The following BICC1 variants were observed in gnomAD, a reference collection of about 807,000 sequenced individuals.
BICC1 encodes protein bicaudal C homolog 1.
Under a neutral mutation model 111.0 loss-of-function variants are expected in BICC1, and 43 were observed. The observed-to-expected ratio is 0.39, with a 90% CI of 0.30 to 0.50. The LOEUF is 0.50. BICC1 is among the 20% of genes least tolerant of loss of function. The pLI is 0.88. For missense variants in BICC1, 1,091 were observed against 1,203.2 expected (o/e 0.91, Z 1.38); for synonymous variants, 467 against 434.4 (o/e 1.07, Z -0.93).
chr10:58,744,459 C>G (rs982983083), intron 3 of BICC1, among the ~76,000 whole-genome samples: 37 of 151,924 alleles, frequency 2.4e-4, no homozygotes, highest in African/African-American at 8.7e-4. Flanking sequence ...TTCATGCATG[C>G]ATTTTAAAAC....
intron 5 of BICC1, among the ~76,000 whole-genome samples, chr10:58,788,063 A>G (rs1843063304): frequency 1.3e-5 from 2 of 152,118 alleles, no homozygotes; most frequent in Non-Finnish European, 1.5e-5. Flanking sequence ...AACGGAGAAA[A>G]TGCAGTGAAC....
At chr10:58,527,599 A>G (rs969468860) in intron 1 of BICC1, among the ~76,000 whole-genome samples, 4 of 149,422 alleles carry the variant, frequency 2.7e-5, no homozygotes, top group African/African-American at 9.8e-5. Context: ...TAGTTTTTGT[A>G]TAAGGTGTAA....
intron 3 of BICC1, among the ~76,000 whole-genome samples, chr10:58,782,458 A>G (rs1212733110): frequency 6.6e-6 from 1 of 152,216 alleles, no homozygotes; most frequent in Non-Finnish European, 1.5e-5. Context: ...ACTTGAGTTA[A>G]CCATCACTTG....
chr10:58,784,876 T>C (rs1251559418), intron 3 of BICC1, 125 bp from the exon 4 acceptor site: 3 of 388,920 alleles, frequency 7.7e-6, no homozygotes, highest in African/African-American at 2.1e-5. Context: ...ATAATAATAA[T>C]CTCCAAATGT....
At chr10:58,542,164 AAAC>A (rs1312638474) in intron 1 of BICC1, among the ~76,000 whole-genome samples, 3 of 147,160 alleles carry the variant, frequency 2.0e-5, no homozygotes, top group Admixed American at 1.3e-4. Context: ...AAAAAAAAAA[AAAC>A]AAAAAAAAAA....
rs778463638 is a variant in BICC1 at position 58,801,006 on chromosome 10, A to G, written c.1975A>G (p.Thr659Ala). 2 of 1,612,166 alleles carry G rather than the reference A, an allele frequency of 1.2e-6. No individual in the cohort carries two copies. The highest frequency in any genetic ancestry group is 2.2e-5 in the East Asian group (1 of 44,718). ...PSKVSCAKRQ[T>A]VELLQGTKNS... Reference sequence around the variant, plus strand: ...CAAGGTTTCCTGTGCCAAAAGGCAGACAGTGGAACTATTGCAAGGCACGAA... The same window carrying G: ...CAAGGTTTCCTGTGCCAAAAGGCAGGCAGTGGAACTATTGCAAGGCACGAA... The change falls in exon 14 of 21, where the codon ACA (threonine) becomes GCA (alanine). Residue 659 changes from threonine to alanine, a missense_variant. By Grantham distance (58) the Thr-to-Ala change is moderately conservative (BLOSUM62 0). Coordinates refer to ENST00000373886, the MANE Select transcript of BICC1 (RefSeq NM_001080512.3).
At position 58,793,465 on chromosome 10, in the gene BICC1, C is replaced by G. The variant is rs1294403072; in HGVS notation, c.1048-19C>G. The G allele has an allele frequency of 6.2e-7, 1 of 1,603,680 alleles. No homozygotes were observed. Among genetic ancestry groups the G allele is most frequent in the Non-Finnish European group, 8.5e-7 (1 of 1,173,088 alleles). The stretch of plus-strand genomic sequence containing the variant: ...ATTAAATTTTTACCTCCTACACATT[C>G]TATTGTGACATTTTCTAGGGTTGTC... On this transcript the variant is annotated intron_variant, in intron 8 of 20. Coordinates refer to ENST00000373886, the MANE Select transcript of BICC1 (RefSeq NM_001080512.3).
At chr10:58,801,183 A>C (rs897159240) in intron 14 of BICC1, 137 bp downstream of exon 14, 13 of 718,860 alleles carry the variant, frequency 1.8e-5, no homozygotes, top group Non-Finnish European at 2.6e-5. Flanking sequence ...CTTTTTTAAA[A>C]AAAATATTAA....
chr10:58,709,901 C>T (rs1472886087), intron 3 of BICC1, among the ~76,000 whole-genome samples: 3 of 152,148 alleles, frequency 2.0e-5, no homozygotes, highest in Non-Finnish European at 2.9e-5. Context: ...AGTGAAACTC[C>T]GGTGCCATTC....
At chr10:58,812,250 G>A (rs919540677) in intron 17 of BICC1, among the ~76,000 whole-genome samples, 1 of 151,944 alleles carries the variant, frequency 6.6e-6, no homozygotes, top group African/African-American at 2.4e-5. Flanking sequence ...CTGTGTTGAG[G>A]GAAGGAGGAA....
chr10:58,713,209 T>C (rs1840633895), intron 3 of BICC1, among the ~76,000 whole-genome samples: 1 of 152,204 alleles, frequency 6.6e-6, no homozygotes, highest in African/African-American at 2.4e-5. Context: ...GGATTTTTCT[T>C]AGCTTGCCTG....
chr10:58,578,967 G>C (rs538045730), intron 1 of BICC1, among the ~76,000 whole-genome samples: 3 of 152,292 alleles, frequency 2.0e-5, no homozygotes, highest in African/African-American at 7.2e-5. Flanking sequence ...CCAGGAAGTG[G>C]CTATATGAAA....
At chr10:58,580,742 C>T (rs939445502) in intron 1 of BICC1, among the ~76,000 whole-genome samples, 1 of 152,130 alleles carries the variant, frequency 6.6e-6, no homozygotes, top group African/African-American at 2.4e-5. Context: ...ACCAGCTTTC[C>T]CTTCCCAATA....
chr10:58,696,363 A>G (rs948137609), intron 2 of BICC1, among the ~76,000 whole-genome samples: 17 of 152,272 alleles, frequency 1.1e-4, no homozygotes, highest in African/African-American at 4.1e-4. Context: ...TTACATCAAC[A>G]ATCTTAATTT....
chr10:58,753,891 TC>T (rs1241055919), intron 3 of BICC1, among the ~76,000 whole-genome samples: 4 of 151,972 alleles, frequency 2.6e-5, no homozygotes, highest in Non-Finnish European at 5.9e-5. Flanking sequence ...TCATTTTTCT[TC>T]CCCCCCTTTA....
intron 3 of BICC1, among the ~76,000 whole-genome samples, chr10:58,763,335 C>T (rs1344129077): frequency 6.6e-6 from 1 of 152,148 alleles, no homozygotes; most frequent in African/African-American, 2.4e-5. Context: ...TCAACCTTCA[C>T]AAGTGATTTT....
At chr10:58,674,979 A>G (rs1839295275) in intron 2 of BICC1, among the ~76,000 whole-genome samples, 1 of 152,216 alleles carries the variant, frequency 6.6e-6, no homozygotes, top group Non-Finnish European at 1.5e-5. Context: ...CAAATTAACG[A>G]CTTGTATGAG....
chr10:58,742,150 G>T (rs879405019), intron 3 of BICC1, among the ~76,000 whole-genome samples: 1 of 8,712 alleles, frequency 1.1e-4, no homozygotes, highest in African/African-American at 3.8e-4. Context: ...AAAGTAGGCA[G>T]TTTGAAAACT....
intron 2 of BICC1, among the ~76,000 whole-genome samples, chr10:58,687,893 T>C (rs1253418003): frequency 6.6e-6 from 1 of 152,148 alleles, no homozygotes. Flanking sequence ...ATGAACCCAG[T>C]ACCTCAGTTG....
Sources: gnomAD v4.1 joint callset for allele counts (sites outside exome capture counted in the v4.1 genomes callset) on GRCh38, gnomAD v4.1.1 for gene constraint, MANE v1.5 for transcripts, NCBI Gene and HGNC (gene_info 2026-07-23, HGNC 2026-07-21) for gene names.